The following KDM2A variants were observed in gnomAD, a reference collection of about 807,000 sequenced individuals.
KDM2A encodes the protein lysine-specific demethylase 2A.
In KDM2A, 3 loss-of-function variants were observed where a neutral mutation model predicts 137.3. That is an observed-to-expected ratio of 0.02 (90% CI 0.01 to 0.06). KDM2A has a LOEUF of 0.06. Ranked by LOEUF, KDM2A falls within the 10% of genes least tolerant of loss-of-function variation. KDM2A has a pLI of 1.00. For synonymous variants in KDM2A, 512 were observed against 541.5 expected, an observed-to-expected ratio of 0.95 and a Z score of 0.76; for missense variants, 738 against 1,510.6, an observed-to-expected ratio of 0.49 and a Z score of 8.48.
At position 67,180,075 on chromosome 11, in the gene KDM2A, C is replaced by T; in HGVS notation, c.43-4C>T. 6.2e-7 allele frequency: 1 copy of T among 1,609,882 alleles called. No homozygotes were observed. Among genetic ancestry groups the T allele is most frequent in the Non-Finnish European group, 8.5e-7 (1 of 1,178,262 alleles). On this transcript the variant is annotated splice_polypyrimidine_tract_variant and splice_region_variant and intron_variant, in intron 2 of 20. Transcript: ENST00000529006. ...TTTCATCAGTATGTTCCTTTCTTTC[C>T]TAGCGTGGTACCATGCGACGACGCT...
At chr11:67,240,122 G>A in intron 12 of KDM2A, 1 of 1,397,642 alleles carries the variant, frequency 7.2e-7, no homozygotes, top group Non-Finnish European at 9.3e-7. Context: ...CCGCGGCTGA[G>A]CTGAAGGGCT....
intron 5 of KDM2A, among the ~76,000 whole-genome samples, chr11:67,190,533 G>A (rs1857326665): frequency 6.6e-6 from 1 of 152,128 alleles, no homozygotes; most frequent in African/African-American, 2.4e-5. Context: ...GCCAAGGTGG[G>A]TGCATTGCCT....
intron 2 of KDM2A, 98 bp from the exon 3 acceptor site, chr11:67,179,981 T>G: frequency 1.6e-6 from 2 of 1,224,412 alleles, no homozygotes; most frequent in Admixed American, 2.6e-5. Context: ...CAACTGAGTT[T>G]GAAAGTAGCA....
chr11:67,138,284 T>G lies in KDM2A; in HGVS notation c.42+16926T>G, dbSNP rs189286501. ...TATTGAATTGAACAAAAATGTGTTA[T>G]GTAGTCCTAAAAATACATAAAATGT... is the stretch of plus-strand genomic sequence containing the variant. On this transcript the variant is annotated intron_variant, in intron 2 of 20. Transcript: ENST00000529006. Among the ~76,000 whole-genome samples, 14 of 152,310 alleles carry G rather than the reference T, an allele frequency of 9.2e-5. No homozygotes were observed. The East Asian group carries it at 2.7e-3, about 29-fold the overall frequency.
At chr11:67,143,491 A>G (rs1319320632) in intron 2 of KDM2A, 1 of 152,144 alleles carries the variant, frequency 6.6e-6, no homozygotes, top group African/African-American at 2.4e-5. Flanking sequence ...TACCTGTGTA[A>G]CTACTACTCA....
intron 2 of KDM2A, among the ~76,000 whole-genome samples, chr11:67,171,808 G>C (rs1856887362): frequency 6.6e-6 from 1 of 152,194 alleles, no homozygotes; most frequent in African/African-American, 2.4e-5. Flanking sequence ...ATGTGCCACT[G>C]CTCCTGGTCT....
chr11:67,220,758 A>G (rs143956262), intron 10 of KDM2A, among the ~76,000 whole-genome samples: 64 of 152,294 alleles, frequency 4.2e-4, no homozygotes, highest in African/African-American at 1.5e-3. Flanking sequence ...GTTTAACCCT[A>G]CCTTGTAGCA....
chr11:67,188,473 C>G (rs1857262036), intron 5 of KDM2A, among the ~76,000 whole-genome samples: 1 of 147,088 alleles, frequency 6.8e-6, no homozygotes. Context: ...CAGAGCAAGA[C>G]TCTGTCTCAA....
In KDM2A at chr11:67,254,927, G is replaced by A. The variant is rs755666005; in HGVS notation, c.3361G>A (p.Val1121Ile). The A allele has an allele frequency of 7.4e-6, 12 of 1,613,854 alleles. No homozygotes were observed. Among genetic ancestry groups the A allele is most frequent in the African/African-American group, 2.7e-5 (2 of 74,914 alleles). Residue 1121 changes from valine (V) to isoleucine (I), a missense_variant, in exon 21 of 21, where the codon GTC (valine) becomes ATC (isoleucine). This residue lies in a region of KDM2A where 166 missense variants were observed against 324.0 expected (regional missense o/e 0.51). Coordinates refer to ENST00000529006, the MANE Select transcript of KDM2A (RefSeq NM_012308.3). The surrounding 1 kb of genome is among the most constrained non-coding windows in gnomAD (Gnocchi z 4.7). ...TLIYLRRIAN[V>I]TLIDLRGCKQ... is the part of the protein sequence containing the mutation. ...GATCTACCTACGGCGCATTGCCAAC[G>A]TCACCTTGATCGACCTTCGAGGATG... is the stretch of plus-strand genomic sequence containing the variant.
intron 2 of KDM2A, among the ~76,000 whole-genome samples, chr11:67,134,237 G>T (rs897196854): frequency 6.6e-6 from 1 of 152,166 alleles, no homozygotes; most frequent in Non-Finnish European, 1.5e-5. Flanking sequence ...GGATGATTTT[G>T]CCCCCAAGGA....
At chr11:67,163,021 T>C (rs966864839) in intron 2 of KDM2A, among the ~76,000 whole-genome samples, 1 of 152,174 alleles carries the variant, frequency 6.6e-6, no homozygotes, top group Non-Finnish European at 1.5e-5. Context: ...TGATTTCTTT[T>C]TCTTAAAGTT....
chr11:67,132,767 TTAAC>T (rs1855882393), intron 2 of KDM2A, among the ~76,000 whole-genome samples: 1 of 151,046 alleles, frequency 6.6e-6, no homozygotes, highest in Non-Finnish European at 1.5e-5. Context: ...AGCATGAGCA[TTAAC>T]TGAGTGTCTG....
intron 12 of KDM2A, among the ~76,000 whole-genome samples, chr11:67,240,905 T>G (rs1484198612): frequency 6.6e-6 from 1 of 152,186 alleles, no homozygotes; most frequent in Non-Finnish European, 1.5e-5. Flanking sequence ...GAGTCTTGTA[T>G]GTGTGAACAG....
intron 12 of KDM2A, among the ~76,000 whole-genome samples, chr11:67,238,219 G>A (rs1191054501): frequency 2.6e-5 from 4 of 152,034 alleles, no homozygotes; most frequent in African/African-American, 9.7e-5. Flanking sequence ...TGTTTAATTT[G>A]TGATTTGGAA....
chr11:67,230,212 C>T (rs1858669044), intron 11 of KDM2A, among the ~76,000 whole-genome samples: 1 of 151,442 alleles, frequency 6.6e-6, no homozygotes, highest in African/African-American at 2.4e-5. Context: ...GAGCTAGGCA[C>T]TGTGATGAGC....
At chr11:67,124,008 GGTTT>G (rs200417175) in intron 2 of KDM2A, among the ~76,000 whole-genome samples, 2,541 of 151,714 alleles carry the variant, frequency 0.017, 27 homozygotes, top group East Asian at 0.046. Flanking sequence ...TTTGTTTGTT[GGTTT>G]GTTTGTTTTG....
rs1455270669 is a variant in KDM2A at position 67,250,243 on chromosome 11, G to A, written c.2213G>A (p.Arg738Gln). The A allele has an allele frequency of 3.1e-6, 5 of 1,613,778 alleles. No individual in the cohort carries two copies. Among genetic ancestry groups the A allele is most frequent in the Admixed American group, 3.3e-5 (2 of 60,002 alleles). The change falls in exon 17 of 21, where the codon CGG becomes CAG. Residue 738 changes from arginine to glutamine, a missense_variant. Coordinates refer to ENST00000529006, the MANE Select transcript of KDM2A (RefSeq NM_012308.3). This position sits in a 1 kb window ranked among gnomAD's most constrained non-coding sequence, Gnocchi z 7.1. ...GTTTCCCCCCGGGGTATGGTGACTC[G>A]GTCATCCCCTGGGGCTGGCCCCAGC... ...DPVSPRGMVT[R>Q]SSPGAGPSDH...
intron 12 of KDM2A, among the ~76,000 whole-genome samples, chr11:67,232,835 GT>G (rs1319991710): frequency 2.0e-5 from 3 of 152,046 alleles, no homozygotes; most frequent in Non-Finnish European, 4.4e-5. Flanking sequence ...AGCCTCCTGA[GT>G]AGCTGAGATT....
At chr11:67,216,685 C>T (rs1858169746) in intron 8 of KDM2A, among the ~76,000 whole-genome samples, 1 of 152,046 alleles carries the variant, frequency 6.6e-6, no homozygotes, top group African/African-American at 2.4e-5. Context: ...CTTTGGGAGG[C>T]CAAGGCGGGC....
Sources: gnomAD v4.1 joint callset for allele counts (sites outside exome capture counted in the v4.1 genomes callset) on GRCh38, gnomAD v4.1.1 for gene constraint, gnomAD v4.1.1 regional missense constraint, Gnocchi (gnomAD v3.1) non-coding constraint, MANE v1.5 for transcripts, NCBI Gene and HGNC (gene_info 2026-07-23, HGNC 2026-07-21) for gene names.